Variants in EAF2 observed in about 807,000 individuals in gnomAD.
EAF2 encodes ELL-associated factor 2.
In EAF2, 29 loss-of-function variants were observed where a neutral mutation model predicts 29.4. That is an observed-to-expected ratio of 0.99 (90% CI 0.73 to 1.35). The LOEUF (loss-of-function observed/expected upper bound fraction) is 1.35, where lower values mean the gene tolerates loss of function less well. Ranked by LOEUF, EAF2 falls within the 40% of genes most tolerant of loss-of-function variation. The probability of loss-of-function intolerance (pLI) is 0.00; values close to 1 mark genes in which losing one functional copy is unlikely to be tolerated. For synonymous variants in EAF2, 103 were observed against 102.5 expected (o/e 1.00, Z -0.03); for missense variants, 292 against 312.0 (o/e 0.94, Z 0.48).
Position 121,835,388 on chromosome 3 carries a change from C to A in EAF2, c.103C>A (p.Arg35Ser), listed in dbSNP as rs749210328. ...KQPRCAFHTV[R>S]YDFKPASIDT... Reference sequence around the variant, plus strand: ...GCCGCGCTGCGCCTTCCACACTGTGCGCTGTGAGTGAGGACCATCCGGGGA... The same window carrying A: ...GCCGCGCTGCGCCTTCCACACTGTGAGCTGTGAGTGAGGACCATCCGGGGA... The change falls in exon 1 of 6, where the codon CGC becomes AGC. Residue 35 changes from arginine to serine, a missense_variant. Transcript: ENST00000273668. 1 of 1,613,550 alleles carries A rather than the reference C, an allele frequency of 6.2e-7. No homozygotes were observed. The highest frequency in any genetic ancestry group is 8.5e-7 in the Non-Finnish European group (1 of 1,179,600).
rs1004781965 is a variant in EAF2 at position 121,863,346 on chromosome 3, GT to G, written c.484+6192del. On this transcript the variant is annotated intron_variant, in intron 4 of 5. Coordinates refer to ENST00000273668, the MANE Select transcript of EAF2 (RefSeq NM_018456.6). Reference sequence around the variant, plus strand: ...CTTGAGCTGCGGTGGGCTCCACCTGGTTCAAGCTTCCAGGCTGCTTTGTTTT... The same window carrying G: ...CTTGAGCTGCGGTGGGCTCCACCTGGTCAAGCTTCCAGGCTGCTTTGTTTT... 4.6e-5 allele frequency among the ~76,000 whole-genome samples: 7 copies of G among 152,274 alleles called. No homozygotes were observed. In the East Asian group the frequency reaches 9.7e-4, roughly 21 times the overall value.
At chr3:121,860,558 CT>C (rs542305991) in intron 4 of EAF2, among the ~76,000 whole-genome samples, 1 of 152,094 alleles carries the variant, frequency 6.6e-6, no homozygotes. Context: ...ATTCTTCTCT[CT>C]TTTTTTCTTT....
At chr3:121,851,404 C>T (rs1310720763) in intron 2 of EAF2, among the ~76,000 whole-genome samples, 1 of 152,064 alleles carries the variant, frequency 6.6e-6, no homozygotes. Flanking sequence ...TGGTCGGAAA[C>T]TCCTGGGCTC....
chr3:121,863,330 C>T (rs1476681954), intron 4 of EAF2, among the ~76,000 whole-genome samples: 4 of 152,158 alleles, frequency 2.6e-5, no homozygotes, highest in African/African-American at 4.8e-5. Context: ...CCTTGAGCTG[C>T]GGTGGGCTCC....
intron 5 of EAF2, among the ~76,000 whole-genome samples, chr3:121,875,367 C>T (rs1709078765): frequency 6.6e-6 from 1 of 151,872 alleles, no homozygotes; most frequent in Non-Finnish European, 1.5e-5. Flanking sequence ...CCGTTGACTC[C>T]TTGAAGGGAT....
At chr3:121,857,861 A>C (rs1156356452) in intron 4 of EAF2, among the ~76,000 whole-genome samples, 15 of 151,172 alleles carry the variant, frequency 9.9e-5, no homozygotes, top group Non-Finnish European at 2.1e-4. Context: ...TGTGATGGAC[A>C]CCCTGTGTCC....
At chr3:121,845,440 CAAAAAAAAAA>C (rs747436052) in intron 2 of EAF2, among the ~76,000 whole-genome samples, 3 of 59,968 alleles carry the variant, frequency 5.0e-5, no homozygotes, top group Non-Finnish European at 9.2e-5. Flanking sequence ...TCCTACATCT[CAAAAAAAAAA>C]AAAAAAAAAA....
intron 5 of EAF2, 200 bp downstream of exon 5, chr3:121,872,988 G>C: frequency 1.2e-6 from 1 of 832,296 alleles, no homozygotes; most frequent in Non-Finnish European, 2.0e-6. Flanking sequence ...CATCTCTCTA[G>C]ATAATCTTTC....
At chr3:121,874,323 G>A (rs1488516377) in intron 5 of EAF2, among the ~76,000 whole-genome samples, 1 of 151,746 alleles carries the variant, frequency 6.6e-6, no homozygotes, top group African/African-American at 2.4e-5. Context: ...AAGATACTTT[G>A]AATTTCCAGT....
chr3:121,864,163 T>C (rs1350823794), intron 4 of EAF2, among the ~76,000 whole-genome samples: 1 of 152,228 alleles, frequency 6.6e-6, no homozygotes, highest in East Asian at 1.9e-4. Flanking sequence ...CTAGCTGCAG[T>C]GTGGGTTATC....
intron 1 of EAF2, among the ~76,000 whole-genome samples, chr3:121,835,965 ATTTC>A (rs1455528228): frequency 2.6e-5 from 4 of 152,116 alleles, no homozygotes; most frequent in African/African-American, 9.7e-5. Flanking sequence ...TGTGTTATTA[ATTTC>A]TTTATTTGGA....
chr3:121,862,260 G>A (rs984989064), intron 4 of EAF2, among the ~76,000 whole-genome samples: 15 of 152,192 alleles, frequency 9.9e-5, no homozygotes, highest in Admixed American at 9.2e-4. Flanking sequence ...ATATCCTGAA[G>A]AGTGTTTTCC....
In EAF2 at chr3:121,835,328, C is replaced by G. The variant is rs570523602; in HGVS notation, c.43C>G (p.Arg15Gly). ...ATTCTCACACCTAGACCGTCGCGAG[C>G]GGGTTCTCAAGTTAGGGGAGAGTTT... ...AGFSHLDRRE[R>G]VLKLGESFEK... The change falls in exon 1 of 6, where the codon CGG becomes GGG. Residue 15 changes from arginine to glycine, a missense_variant. Arg to Gly is a moderately radical substitution (Grantham distance 125). Coordinates refer to ENST00000273668, the MANE Select transcript of EAF2 (RefSeq NM_018456.6). The G allele has an allele frequency of 1.2e-6, 2 of 1,614,096 alleles. No homozygotes were observed. The highest frequency in any genetic ancestry group is 3.3e-5 in the Admixed American group (2 of 60,014).
At chr3:121,840,189 GAAAAA>G (rs35521886) in intron 1 of EAF2, among the ~76,000 whole-genome samples, 2 of 69,624 alleles carry the variant, frequency 2.9e-5, no homozygotes, top group South Asian at 5.8e-4. Flanking sequence ...ATTCTCTCAG[GAAAAA>G]AAAAAAAAAA....
At chr3:121,872,513 T>C (rs1284188410) in intron 4 of EAF2, 24 bp from the exon 5 acceptor site, 2 of 1,512,838 alleles carry the variant, frequency 1.3e-6, no homozygotes, top group Non-Finnish European at 1.8e-6. Context: ...TTAACCTATC[T>C]ATTCATTTCT....
chr3:121,847,836 A>C (rs1708555718), intron 2 of EAF2, among the ~76,000 whole-genome samples: 1 of 152,114 alleles, frequency 6.6e-6, no homozygotes, highest in South Asian at 2.1e-4. Flanking sequence ...AGTTTTTAGG[A>C]AGGCCTGTCT....
intron 5 of EAF2, among the ~76,000 whole-genome samples, chr3:121,879,340 CTT>C (rs1273208688): frequency 2.0e-5 from 3 of 151,952 alleles, no homozygotes; most frequent in Non-Finnish European, 4.4e-5. Context: ...TAGATTGTCT[CTT>C]TACTCCATTG....
At chr3:121,853,164 A>C (rs762661790) in intron 2 of EAF2, among the ~76,000 whole-genome samples, 2 of 152,150 alleles carry the variant, frequency 1.3e-5, no homozygotes, top group Non-Finnish European at 2.9e-5. Flanking sequence ...CATTTCATCA[A>C]TGCTTACTTA....
At chr3:121,861,281 C>T (rs976727257) in intron 4 of EAF2, among the ~76,000 whole-genome samples, 2 of 152,110 alleles carry the variant, frequency 1.3e-5, no homozygotes, top group African/African-American at 4.8e-5. Flanking sequence ...GTTAAAGTCT[C>T]CCATTATTAT....
Sources: gnomAD v4.1 joint callset for allele counts (sites outside exome capture counted in the v4.1 genomes callset) on GRCh38, gnomAD v4.1.1 for gene constraint, MANE v1.5 for transcripts, NCBI Gene and HGNC (gene_info 2026-07-23, HGNC 2026-07-21) for gene names.